The following FRMPD1 variants were observed in gnomAD, a reference collection of about 807,000 sequenced individuals.
FRMPD1 encodes FERM and PDZ domain containing 1.
Under a neutral mutation model 117.8 loss-of-function variants are expected in FRMPD1, and 76 were observed. The observed-to-expected ratio is 0.65, with a 90% confidence interval of 0.54 to 0.78. FRMPD1 has a LOEUF of 0.78. Ranked by LOEUF, FRMPD1 falls within the 30% of genes least tolerant of loss-of-function variation. The pLI is 0.00. For synonymous variants in FRMPD1, 783 were observed against 770.4 expected (o/e 1.02, Z -0.27); for missense variants, 1,786 against 1,964.5 (o/e 0.91, Z 1.72).
intron 2 of FRMPD1, among the ~76,000 whole-genome samples, chr9:37,703,435 T>C (rs1822599124): frequency 6.6e-6 from 1 of 152,228 alleles, no homozygotes; most frequent in African/African-American, 2.4e-5. Context: ...AATGTGGGTA[T>C]CTACTATGTG....
At chr9:37,728,798 A>T (rs1163663449) in intron 7 of FRMPD1, among the ~76,000 whole-genome samples, 2 of 151,960 alleles carry the variant, frequency 1.3e-5, no homozygotes, top group Admixed American at 1.3e-4. Context: ...CTCCATCTCT[A>T]CTAAAAATAC....
At chr9:37,637,243 T>C in the FRMPD1 span, 33 of 1,610,008 alleles carry the variant, frequency 2.0e-5, no homozygotes, top group Admixed American at 3.3e-5. Context: ...TGCCCACGCC[T>C]GAGTCGCCAA....
rs541981962 is a variant in FRMPD1, at chr9:37,715,040, A to G, written c.408+3645A>G. 3.9e-5 allele frequency among the ~76,000 whole-genome samples: 6 copies of G among 152,326 alleles called. No homozygotes were observed. The South Asian group carries it at 1.0e-3, about 26-fold the overall frequency. ...GTCGTGGTAGATTCTTGGAGTCCTCAGATTACTTGAAATTGATTAGGAATG... is the reference window on the plus strand; with the variant it reads ...GTCGTGGTAGATTCTTGGAGTCCTCGGATTACTTGAAATTGATTAGGAATG... On this transcript the variant is annotated intron_variant, in intron 5 of 15. Coordinates refer to ENST00000377765, the MANE Select transcript of FRMPD1 (RefSeq NM_014907.3).
chr9:37,667,602 C>T (rs1035197534), intron 1 of FRMPD1, among the ~76,000 whole-genome samples: 5 of 150,836 alleles, frequency 3.3e-5, no homozygotes, highest in Admixed American at 1.3e-4. Context: ...TGCTTGAACC[C>T]GGGAGGCGGA....
the FRMPD1 span, among the ~76,000 whole-genome samples, chr9:37,617,430 G>A: frequency 6.6e-6 from 1 of 152,168 alleles, no homozygotes; most frequent in African/African-American, 2.4e-5. Context: ...TACTGGCTCT[G>A]TGCCTGTTTC....
Position 37,744,538 on chromosome 9 carries a change from A to G in FRMPD1, c.2506A>G (p.Arg836Gly). 6.2e-7 allele frequency: 1 copy of G among 1,614,102 alleles called. No individual in the cohort carries two copies. ...GGTGAAGAAATATGCCAAGACCCTG[A>G]GGAAAAGAAGGTCTTTCCTACAGAC... ...GGVKKYAKTLRKRRSFLQTDY... is the reference protein window; with the variant it reads ...GGVKKYAKTLGKRRSFLQTDY... The change falls in exon 16 of 16, where the codon AGG (arginine) becomes GGG (glycine). Residue 836 changes from arginine to glycine, a missense_variant. Arg to Gly is a moderately radical substitution (Grantham distance 125, BLOSUM62 -2). Coordinates refer to ENST00000377765, the MANE Select transcript of FRMPD1 (RefSeq NM_014907.3).
At chr9:37,686,586 G>C (rs1821956863) in intron 1 of FRMPD1, among the ~76,000 whole-genome samples, 1 of 152,352 alleles carries the variant, frequency 6.6e-6, no homozygotes, top group East Asian at 1.9e-4. Flanking sequence ...CTTGGTTGAT[G>C]TAGGCATTTG....
intron 1 of FRMPD1, among the ~76,000 whole-genome samples, chr9:37,656,082 T>C (rs559438188): frequency 1.8e-4 from 27 of 152,326 alleles, no homozygotes; most frequent in Admixed American, 8.5e-4. Context: ...TAGAAAGCCC[T>C]TGGGAGGGCC....
chr9:37,729,773 G>A lies in FRMPD1; in HGVS notation c.658G>A (p.Glu220Lys), dbSNP rs371862748. The change falls in exon 8 of 16, where the codon GAG becomes AAG. Residue 220 changes from glutamate to lysine, a missense_variant. Coordinates refer to ENST00000377765, the MANE Select transcript of FRMPD1 (RefSeq NM_014907.3). ...VKEKLSIRSI[E>K]YFALALEEQY... Reference sequence around the variant, plus strand: ...GGAGAAGCTGTCCATCCGAAGTATCGAGTACTTTGCACTGGCCCTGGAAGA... The same window carrying A: ...GGAGAAGCTGTCCATCCGAAGTATCAAGTACTTTGCACTGGCCCTGGAAGA... 7.1e-5 allele frequency: 115 copies of A among 1,613,962 alleles called. No individual in the cohort carries two copies. Among genetic ancestry groups the A allele is most frequent in the East Asian group, 1.1e-4 (5 of 44,880 alleles).
intron 5 of FRMPD1, among the ~76,000 whole-genome samples, chr9:37,717,957 C>T (rs546555352): frequency 6.6e-6 from 1 of 152,290 alleles, no homozygotes; most frequent in African/African-American, 2.4e-5. Context: ...CCTATCCCTT[C>T]TGTTATTTCT....
intron 12 of FRMPD1, among the ~76,000 whole-genome samples, chr9:37,735,314 A>G (rs1165066781): frequency 6.6e-6 from 1 of 152,182 alleles, no homozygotes; most frequent in Non-Finnish European, 1.5e-5. Context: ...AGGTGTGAAA[A>G]TACAGATGTG....
At chr9:37,660,465 C>G (rs1337103041) in intron 1 of FRMPD1, among the ~76,000 whole-genome samples, 1 of 152,110 alleles carries the variant, frequency 6.6e-6, no homozygotes, top group East Asian at 1.9e-4. Context: ...CTGGAAGAAG[C>G]TCAGGTCTTA....
In FRMPD1 at chr9:37,667,144, A is replaced by G. The variant is rs556046418; in HGVS notation, c.-5+16050A>G. On this transcript the variant is annotated intron_variant, in intron 1 of 15. Coordinates refer to ENST00000377765, the MANE Select transcript of FRMPD1 (RefSeq NM_014907.3). ...AGTGGCGTGACCTTGGCTTACTGCA[A>G]CTGCTGCTCCCCCAGGCTCAAGCGA... Among the ~76,000 whole-genome samples, 3 of 144,002 alleles carry G rather than the reference A, an allele frequency of 2.1e-5. No homozygotes were observed. The East Asian group carries it at 6.2e-4, about 30-fold the overall frequency. 94.5% of individuals were successfully genotyped at this position (144,002 alleles called of 152,430 possible).
intron 1 of FRMPD1, among the ~76,000 whole-genome samples, chr9:37,658,046 C>T (rs182363517): frequency 2.0e-5 from 3 of 152,222 alleles, no homozygotes; most frequent in East Asian, 3.9e-4. Flanking sequence ...TTTCTTCTTC[C>T]CTATGACAGC....
intron 10 of FRMPD1, among the ~76,000 whole-genome samples, chr9:37,732,867 T>C (rs1490136913): frequency 1.3e-5 from 2 of 152,214 alleles, no homozygotes; most frequent in Admixed American, 6.5e-5. Flanking sequence ...AGCTTAGAAT[T>C]GTTCTGGACA....
chr9:37,729,869 C>G lies in FRMPD1; in HGVS notation c.738+16C>G, dbSNP rs184898614. 21 of 1,611,274 alleles carry G rather than the reference C, an allele frequency of 1.3e-5. No individual in the cohort carries two copies. Among genetic ancestry groups the G allele is most frequent in the Non-Finnish European group, 1.7e-5 (20 of 1,178,746 alleles). On this transcript the variant is annotated intron_variant, in intron 8 of 15. Coordinates refer to ENST00000377765, the MANE Select transcript of FRMPD1 (RefSeq NM_014907.3). ...CATCCAGCAGGTAGGGAGGACTGAC[C>G]GCCTGTTCCTGGGAGGCATGGGCTG...
chr9:37,618,434 T>C, the FRMPD1 span, among the ~76,000 whole-genome samples: 9 of 152,158 alleles, frequency 5.9e-5, no homozygotes, highest in African/African-American at 2.2e-4. Context: ...CCTGGAATAC[T>C]ACACTCATCC....
At chr9:37,679,063 C>T (rs1276837431) in intron 1 of FRMPD1, among the ~76,000 whole-genome samples, 1 of 152,250 alleles carries the variant, frequency 6.6e-6, no homozygotes, top group African/African-American at 2.4e-5. Context: ...ATGCAGCCCT[C>T]TCTCATGGTC....
At position 37,744,743 on chromosome 9, in the gene FRMPD1, T is replaced by C. The variant is rs1159838897; in HGVS notation, c.2711T>C (p.Leu904Pro). The part of the protein sequence containing the change: ...PGLLETKALG[L>P]LAPLRETKST... ...CTTCTGGAGACCAAGGCCTTGGGGC[T>C]GCTGGCTCCTCTGAGGGAGACCAAG... Residue 904 changes from leucine to proline, a missense_variant, in exon 16 of 16, where the codon CTG becomes CCG. Transcript: ENST00000377765. The C allele has an allele frequency of 6.2e-7, 1 of 1,613,978 alleles. No individual in the cohort carries two copies. The highest frequency in any genetic ancestry group is 2.2e-5 in the East Asian group (1 of 44,888).
Sources: allele counts gnomAD v4.1 joint callset (sites outside exome capture counted in the v4.1 genomes callset), GRCh38; gene constraint gnomAD v4.1.1; transcripts MANE v1.5; gene names NCBI Gene and HGNC (gene_info 2026-07-23, HGNC 2026-07-21).